CD180: variants seen among roughly 807,000 people sequenced by gnomAD.
The protein encoded by CD180 is CD180 antigen.
CD180 carries 11 observed loss-of-function variants against 10.7 expected under a neutral mutation model. That is an observed-to-expected ratio of 1.03 (90% CI 0.65 to 1.70). The LOEUF is 1.70. Among genes scored for constraint, CD180 ranks in the 40% most tolerant of loss-of-function variants. The pLI is 0.00. For missense variants in CD180, 729 were observed against 775.2 expected (o/e 0.94, Z 0.71); for synonymous variants, 286 against 294.6 (o/e 0.97, Z 0.30).
chr5:67,191,539 G>A (rs1742305383), intron 1 of CD180, among the ~76,000 whole-genome samples: 1 of 152,158 alleles, frequency 6.6e-6, no homozygotes, highest in Admixed American at 6.5e-5. Context: ...GAAAAGGATG[G>A]CCAAGCTGAG....
At chr5:67,186,880 G>C (rs889413764) in intron 1 of CD180, among the ~76,000 whole-genome samples, 21 of 140,932 alleles carry the variant, frequency 1.5e-4, no homozygotes, top group Admixed American at 5.5e-4. Flanking sequence ...GTGTGAAAGA[G>C]AGAGAGAGAG....
At chr5:67,196,510 C>T (rs1271800833) in intron 1 of CD180, 42 bp downstream of exon 1, 4 of 1,607,236 alleles carry the variant, frequency 2.5e-6, no homozygotes, top group Non-Finnish European at 3.4e-6. Context: ...TCAAAATTTT[C>T]AGACAGTTTA....
chr5:67,195,532 G>T (rs1742384637), intron 1 of CD180, among the ~76,000 whole-genome samples: 1 of 152,210 alleles, frequency 6.6e-6, no homozygotes, highest in African/African-American at 2.4e-5. Context: ...TGTGGCATTT[G>T]TTATGACAGC....
chr5:67,180,336 C>T lies in CD180; in HGVS notation c.*2521G>A, dbSNP rs1203735527. 3.3e-5 allele frequency: 5 copies of T among 152,208 alleles called. No homozygotes were observed. Among genetic ancestry groups the T allele is most frequent in the Non-Finnish European group, 7.3e-5 (5 of 68,028 alleles). The allele number at this position is 152,208 out of a possible 1,614,324, so 9.4% of individuals were successfully genotyped here. A position where few individuals can be genotyped will look rare whatever the true frequency, so the allele number is the denominator to read the frequency against. On this transcript the variant is annotated 3_prime_UTR_variant, in exon 3 of 3. Coordinates refer to ENST00000256447, the MANE Select transcript of CD180 (RefSeq NM_005582.3). ...GCAGTATGTCTATGGGTTGGTAAATCAGCAATTAGTATTTTCCATCTGCAG... is the reference window on the plus strand; with the variant it reads ...GCAGTATGTCTATGGGTTGGTAAATTAGCAATTAGTATTTTCCATCTGCAG...
intron 1 of CD180, among the ~76,000 whole-genome samples, chr5:67,188,730 A>T (rs1470553917): frequency 1.3e-5 from 2 of 150,314 alleles, no homozygotes; most frequent in East Asian, 3.9e-4. Flanking sequence ...TTAGCGATGC[A>T]CTTTCTTGTA....
intron 1 of CD180, among the ~76,000 whole-genome samples, chr5:67,192,328 A>G (rs1414192110): frequency 6.6e-6 from 1 of 152,206 alleles, no homozygotes; most frequent in African/African-American, 2.4e-5. Context: ...TGGAGCTTGC[A>G]GTGAGCTGAG....
rs1196008870 is a variant in CD180 at position 67,185,288 on chromosome 5, T to C, written c.257+563A>G. Among the ~76,000 whole-genome samples, 259 of 130,138 alleles carry C rather than the reference T, an allele frequency of 2.0e-3. 1 individual carries two copies. Among genetic ancestry groups the C allele is most frequent in the South Asian group, 0.017 (67 of 3,864 alleles). 85.4% of individuals were successfully genotyped at this position (130,138 alleles called of 152,430 possible). A position where few individuals can be genotyped will look rare whatever the true frequency, so the allele number is the denominator to read the frequency against. ...GGTACACGCAGAGCCTGTCCCCTCT[T>C]ACACACACACACACACACACACACA... On this transcript the variant is annotated intron_variant, in intron 2 of 2. Coordinates refer to ENST00000256447, the MANE Select transcript of CD180 (RefSeq NM_005582.3).
In CD180 at chr5:67,183,684, A is replaced by G; in HGVS notation, c.1159T>C (p.Cys387Arg). Residue 387 changes from cysteine (C) to arginine (R), a missense_variant, in exon 3 of 3, where the codon TGC becomes CGC. Cys to Arg is a radical substitution (Grantham distance 180). Coordinates refer to ENST00000256447, the MANE Select transcript of CD180 (RefSeq NM_005582.3). ...LSHNDIEASD[C>R]CSLQLKNLSH... ...AGGTTTTTGAGTTGCAGACTGCAGCAGTCAGAAGCCTCTATGTCATTATGG... is the reference window on the plus strand; with the variant it reads ...AGGTTTTTGAGTTGCAGACTGCAGCGGTCAGAAGCCTCTATGTCATTATGG... 1 of 1,614,200 alleles carries G rather than the reference A, an allele frequency of 6.2e-7. No homozygotes were observed. The highest frequency in any genetic ancestry group is 2.2e-5 in the East Asian group (1 of 44,870).
rs767346486 is a variant in CD180, at chr5:67,183,836, A to G, written c.1007T>C (p.Leu336Ser). 2.5e-6 allele frequency: 4 copies of G among 1,614,230 alleles called. No homozygotes were observed. Among genetic ancestry groups the G allele is most frequent in the Non-Finnish European group, 3.4e-6 (4 of 1,180,044 alleles). Residue 336 changes from leucine (L) to serine (S), a missense_variant, in exon 3 of 3, where the codon TTG becomes TCG. By Grantham distance (145) the Leu-to-Ser change is moderately radical (BLOSUM62 -2). Coordinates refer to ENST00000256447, the MANE Select transcript of CD180 (RefSeq NM_005582.3). ...GAAATTGGCAGCACTGATTTGACAC[A>G]ATTGATCGAAATGATTTACACTGAG... ...LVLSVNHFDQ[L>S]CQISAANFPS...
chr5:67,196,186 T>C (rs147985138), intron 1 of CD180, among the ~76,000 whole-genome samples: 21 of 152,262 alleles, frequency 1.4e-4, no homozygotes, highest in African/African-American at 4.3e-4. Flanking sequence ...AAAGGACTCA[T>C]TGGGATAGAG....
chr5:67,182,677 A>G lies in CD180; in HGVS notation c.*180T>C. 1 of 556,954 alleles carries G rather than the reference A, an allele frequency of 1.8e-6. No homozygotes were observed. Among genetic ancestry groups the G allele is most frequent in the East Asian group, 3.0e-5 (1 of 33,592 alleles). The allele number at this position is 556,954 out of a possible 1,614,324, so 34.5% of individuals were successfully genotyped here. The stretch of plus-strand genomic sequence containing the variant: ...ACTGAGTCATTCGGTGTACTTGCCT[A>G]GAAGGTTCTTTAGCTCTGGGACTCA... On this transcript the variant is annotated 3_prime_UTR_variant, in exon 3 of 3. Coordinates refer to ENST00000256447, the MANE Select transcript of CD180 (RefSeq NM_005582.3).
intron 1 of CD180, among the ~76,000 whole-genome samples, chr5:67,191,844 T>C (rs1392799013): frequency 6.6e-5 from 10 of 152,180 alleles, no homozygotes; most frequent in Non-Finnish European, 1.5e-5. Flanking sequence ...AACTTGTAGG[T>C]AGGTTTGGAT....
In CD180 at chr5:67,184,450, G is replaced by A. The variant is rs141355847; in HGVS notation, c.393C>T (p.Phe131=). Residue 131 remains phenylalanine (F), a synonymous_variant, in exon 3 of 3, where the codon TTC becomes TTT. Coordinates refer to ENST00000256447, the MANE Select transcript of CD180 (RefSeq NM_005582.3). ...GATTGGATATTCCCGTTTGGATTAA[G>A]AAAAGATGCTTCAGTGACTTGGGCC... ...LNGPKSLKHL[F]LIQTGISNLE... 98 of 1,614,156 alleles carry A rather than the reference G, an allele frequency of 6.1e-5. No individual in the cohort carries two copies. The highest frequency in any genetic ancestry group is 4.5e-4 in the African/African-American group (34 of 75,034).
intron 1 of CD180, chr5:67,190,966 C>T (rs894363610): frequency 1.0e-5 from 10 of 985,412 alleles, no homozygotes; most frequent in South Asian, 4.7e-5. Context: ...GCTTGACACA[C>T]GCAGCAGCCA....
In CD180 at chr5:67,182,662, T is replaced by C; in HGVS notation, c.*195A>G. The C allele has an allele frequency of 1.9e-6, 1 of 521,014 alleles. No individual in the cohort carries two copies. The highest frequency in any genetic ancestry group is 3.2e-5 in the East Asian group (1 of 31,332). The allele number at this position is 521,014 out of a possible 1,614,324, so 32.3% of individuals were successfully genotyped here. ...CATCTGACCCTCTGGACTGAGTCAT[T>C]CGGTGTACTTGCCTAGAAGGTTCTT... On this transcript the variant is annotated 3_prime_UTR_variant, in exon 3 of 3. Coordinates refer to ENST00000256447, the MANE Select transcript of CD180 (RefSeq NM_005582.3).
rs773527391 is a variant in CD180 at position 67,183,790 on chromosome 5, G to T, written c.1053C>A (p.Tyr351Ter). 8.7e-6 allele frequency: 14 copies of T among 1,613,902 alleles called. No individual in the cohort carries two copies. The highest frequency in any genetic ancestry group is 1.1e-5 in the Non-Finnish European group (13 of 1,179,890). The part of the protein sequence containing the change: ...AANFPSLTHL[Y>*]IRGNVKKLHL... ...GAAGTTTCTTCACGTTGCCTCTGATGTAGAGGTGTGTAAGGGAGGGGAAAT... is the reference window on the plus strand; with the variant it reads ...GAAGTTTCTTCACGTTGCCTCTGATTTAGAGGTGTGTAAGGGAGGGGAAAT... Residue 351 changes from tyrosine to a stop codon, truncating the protein, a stop_gained, in exon 3 of 3, where the codon TAC becomes TAA. Coordinates refer to ENST00000256447, the MANE Select transcript of CD180 (RefSeq NM_005582.3). LOFTEE classifies it low-confidence loss of function (END_TRUNC).
At chr5:67,189,164 C>T (rs773129809) in intron 1 of CD180, among the ~76,000 whole-genome samples, 4 of 152,310 alleles carry the variant, frequency 2.6e-5, no homozygotes, top group Middle Eastern at 3.4e-3. Flanking sequence ...CACTCTATTC[C>T]GGCCCTACAG....
rs547476602 is a variant in CD180, at chr5:67,180,473, A to C, written c.*2384T>G. 2 of 152,162 alleles carry C rather than the reference A, an allele frequency of 1.3e-5. No homozygotes were observed. The highest frequency in any genetic ancestry group is 4.8e-5 in the African/African-American group (2 of 41,432). The allele number at this position is 152,162 out of a possible 1,614,324, so 9.4% of individuals were successfully genotyped here. A position where few individuals can be genotyped will look rare whatever the true frequency, so the allele number is the denominator to read the frequency against. On this transcript the variant is annotated 3_prime_UTR_variant, in exon 3 of 3. Transcript: ENST00000256447. The stretch of plus-strand genomic sequence containing the variant: ...AGAGTTTGGACCTTCCACATTTTAC[A>C]TGGAATCATTTGGCTGGGAACCCTG...
At chr5:67,192,601 G>A (rs1373122136) in intron 1 of CD180, among the ~76,000 whole-genome samples, 2 of 152,004 alleles carry the variant, frequency 1.3e-5, no homozygotes, top group African/African-American at 4.8e-5. Flanking sequence ...GAGAGAGAAT[G>A]ACAGAGGAGG....
Sources: gnomAD v4.1 joint callset for allele counts (sites outside exome capture counted in the v4.1 genomes callset) on GRCh38, gnomAD v4.1.1 for gene constraint, MANE v1.5 for transcripts, NCBI Gene and HGNC (gene_info 2026-07-23, HGNC 2026-07-21) for gene names.